Variants in KCNQ3 observed in about 807,000 individuals in gnomAD.
KCNQ3 encodes the protein potassium voltage-gated channel subfamily Q member 3.
In KCNQ3, 30 loss-of-function variants were observed where a neutral mutation model predicts 92.5. The ratio of observed to expected loss-of-function variants is 0.32; its 90% CI spans 0.24 to 0.44. The LOEUF (loss-of-function observed/expected upper bound fraction) is 0.44, where lower values mean the gene tolerates loss of function less well. KCNQ3 is among the 20% of genes least tolerant of loss of function. KCNQ3 has a pLI of 1.00. For missense variants in KCNQ3, 913 were observed against 1,140.3 expected, an observed-to-expected ratio of 0.80 and a Z score of 2.87; for synonymous variants, 450 against 468.8, an observed-to-expected ratio of 0.96 and a Z score of 0.52.
chr8:132,181,414 A>G (rs1401930473), intron 3 of KCNQ3, among the ~76,000 whole-genome samples: 1 of 152,222 alleles, frequency 6.6e-6, no homozygotes, highest in Non-Finnish European at 1.5e-5. Flanking sequence ...TTATTGAAAC[A>G]TAATAATTGT....
At chr8:132,339,490 C>T (rs1818459418) in intron 1 of KCNQ3, among the ~76,000 whole-genome samples, 2 of 152,156 alleles carry the variant, frequency 1.3e-5, no homozygotes, top group Non-Finnish European at 2.9e-5. Context: ...ACAAAATGCA[C>T]TCACACTAAA....
At chr8:132,281,222 T>C (rs916863454) in intron 1 of KCNQ3, among the ~76,000 whole-genome samples, 8 of 152,276 alleles carry the variant, frequency 5.3e-5, no homozygotes, top group African/African-American at 1.9e-4. Context: ...ACTAATACCA[T>C]GTGCCCTTCC....
chr8:132,458,546 C>T (rs990014048), intron 1 of KCNQ3, among the ~76,000 whole-genome samples: 15 of 152,232 alleles, frequency 9.9e-5, no homozygotes, highest in African/African-American at 1.4e-4. Flanking sequence ...CCTCCGCCTC[C>T]CGGGTTCAAG....
chr8:132,229,313 G>C (rs10103500), intron 1 of KCNQ3, among the ~76,000 whole-genome samples: 2,729 of 152,014 alleles, frequency 0.018, 48 homozygotes, highest in South Asian at 0.049. Flanking sequence ...ATGAAAGGTG[G>C]TACCAGTGCA....
At chr8:132,430,909 A>G (rs1371069803) in intron 1 of KCNQ3, among the ~76,000 whole-genome samples, 1 of 152,194 alleles carries the variant, frequency 6.6e-6, no homozygotes, top group Non-Finnish European at 1.5e-5. Context: ...AGAGTCGCTC[A>G]GCATTGCTGT....
intron 1 of KCNQ3, among the ~76,000 whole-genome samples, chr8:132,255,117 C>A (rs529386360): frequency 1.3e-5 from 2 of 151,882 alleles, no homozygotes; most frequent in Admixed American, 6.6e-5. Context: ...CCCCCTCCCC[C>A]CCACCTCATG....
intron 1 of KCNQ3, among the ~76,000 whole-genome samples, chr8:132,200,366 T>C (rs936957027): frequency 1.3e-5 from 2 of 151,248 alleles, no homozygotes; most frequent in African/African-American, 4.9e-5. Context: ...ACCTGAGTAG[T>C]TGCAATAGAG....
intron 1 of KCNQ3, among the ~76,000 whole-genome samples, chr8:132,278,536 GAACA>G (rs1177615139): frequency 6.6e-6 from 1 of 152,176 alleles, no homozygotes; most frequent in African/African-American, 2.4e-5. Flanking sequence ...CAGACCTTCT[GAACA>G]CAGTTCGATG....
intron 5 of KCNQ3, among the ~76,000 whole-genome samples, chr8:132,174,809 G>A (rs951192781): frequency 2.6e-4 from 39 of 152,322 alleles, no homozygotes; most frequent in African/African-American, 8.7e-4. Context: ...ACTTATGCAT[G>A]TGTATCTGCA....
At chr8:132,235,688 A>G (rs958259422) in intron 1 of KCNQ3, among the ~76,000 whole-genome samples, 1 of 152,200 alleles carries the variant, frequency 6.6e-6, no homozygotes, top group Admixed American at 6.5e-5. Flanking sequence ...CATTCCCTGA[A>G]CACACCATAT....
At chr8:132,260,977 T>TA (rs1316193111) in intron 1 of KCNQ3, among the ~76,000 whole-genome samples, 1 of 152,214 alleles carries the variant, frequency 6.6e-6, no homozygotes. Flanking sequence ...TTTTAAAGTG[T>TA]AAAATACAGT....
At chr8:132,133,871 G>C (rs1344703925) in intron 13 of KCNQ3, among the ~76,000 whole-genome samples, 1 of 152,200 alleles carries the variant, frequency 6.6e-6, no homozygotes, top group Non-Finnish European at 1.5e-5. Flanking sequence ...TTGTCAGGGG[G>C]CTGATATCTG....
At chr8:132,349,064 G>A (rs557444347) in intron 1 of KCNQ3, among the ~76,000 whole-genome samples, 42 of 152,288 alleles carry the variant, frequency 2.8e-4, no homozygotes, top group African/African-American at 9.6e-4. Context: ...ACCTGTAAAA[G>A]CAAGAGGCTG....
intron 1 of KCNQ3, among the ~76,000 whole-genome samples, chr8:132,434,156 C>T (rs370238334): frequency 1.4e-5 from 2 of 147,624 alleles, no homozygotes; most frequent in Admixed American, 1.4e-4. Context: ...TGCAGTGAGC[C>T]GAGATCCCGC....
intron 12 of KCNQ3, among the ~76,000 whole-genome samples, 199 bp downstream of exon 12, chr8:132,137,686 T>C (rs188948424): frequency 3.3e-5 from 5 of 152,352 alleles, no homozygotes; most frequent in Admixed American, 3.3e-4. Context: ...ACCTTGGCCA[T>C]GGCAATGTCA....
intron 14 of KCNQ3, among the ~76,000 whole-genome samples, chr8:132,130,919 G>A (rs940057815): frequency 3.9e-5 from 6 of 152,136 alleles, no homozygotes; most frequent in Non-Finnish European, 7.3e-5. Flanking sequence ...AAACACTGTC[G>A]TCAGGTGTAT....
At chr8:132,457,129 A>G (rs926325521) in intron 1 of KCNQ3, among the ~76,000 whole-genome samples, 1 of 152,204 alleles carries the variant, frequency 6.6e-6, no homozygotes, top group East Asian at 1.9e-4. Context: ...CAACACCCCA[A>G]ACAGACCCTT....
intron 1 of KCNQ3, among the ~76,000 whole-genome samples, chr8:132,419,115 G>A (rs559043698): frequency 3.4e-4 from 52 of 152,272 alleles, no homozygotes; most frequent in African/African-American, 1.2e-3. Flanking sequence ...TCAATACAAT[G>A]CCTTCCAGTC....
rs572006599 is a variant in KCNQ3, at chr8:132,126,894, T to C, written c.*2368A>G. 3.9e-5 allele frequency: 6 copies of C among 152,318 alleles called. No homozygotes were observed. The highest frequency in any genetic ancestry group is 2.6e-4 in the Admixed American group (4 of 15,300). 9.4% of individuals were successfully genotyped at this position (152,318 alleles called of 1,614,324 possible). ...TAAAATACTTAAGATAGTAAGTTCT[T>C]CAAGAATACTAATAAGTAAGTTAAA... On this transcript the variant is annotated 3_prime_UTR_variant, in exon 15 of 15. Coordinates refer to ENST00000388996, the MANE Select transcript of KCNQ3 (RefSeq NM_004519.4).
Sources: gnomAD v4.1 joint callset for allele counts (sites outside exome capture counted in the v4.1 genomes callset) on GRCh38, gnomAD v4.1.1 for gene constraint, MANE v1.5 for transcripts, NCBI Gene and HGNC (gene_info 2026-07-23, HGNC 2026-07-21) for gene names.